STRIP2: variants seen among roughly 807,000 people sequenced by gnomAD.
The protein encoded by STRIP2 is striatin interacting protein 2.
Under a neutral mutation model 107.1 loss-of-function variants are expected in STRIP2, and 84 were observed. That is an observed-to-expected ratio of 0.78 (90% CI 0.66 to 0.94). The LOEUF (loss-of-function observed/expected upper bound fraction) is 0.94, where lower values mean the gene tolerates loss of function less well. Among genes scored for constraint, STRIP2 ranks in the 40% least tolerant of loss-of-function variants. STRIP2 has a pLI of 0.00. For missense variants in STRIP2, 888 were observed against 1,034.2 expected (o/e 0.86, Z 1.94); for synonymous variants, 394 against 400.4 (o/e 0.98, Z 0.19).
In STRIP2 at chr7:129,487,170, T is replaced by A. The variant is rs993944535; in HGVS notation, c.*1341T>A. On this transcript the variant is annotated 3_prime_UTR_variant, in exon 21 of 21. Transcript: ENST00000249344. The stretch of plus-strand genomic sequence containing the variant: ...CTGGGATTACAGGCACGCACCACCA[T>A]GCCTGGCTAATTTTTTGTATTTTTA... 2.0e-5 allele frequency: 3 copies of A among 152,118 alleles called. No homozygotes were observed. Among genetic ancestry groups the A allele is most frequent in the African/African-American group, 7.3e-5 (3 of 41,370 alleles). The allele number at this position is 152,118 out of a possible 1,614,324, so 9.4% of individuals were successfully genotyped here.
In STRIP2 at chr7:129,482,880, G is replaced by C; in HGVS notation, c.2088G>C (p.Arg696=). The part of the protein sequence containing the change: ...VVFKSAPILK[R]ALKVKQAMLQ... Reference sequence around the variant, plus strand: ...TTAAATCGGCACCAATCTTAAAGCGGGCCCTCAAGGTCAAACAGGCCATGC... The same window carrying C: ...TTAAATCGGCACCAATCTTAAAGCGCGCCCTCAAGGTCAAACAGGCCATGC... The change falls in exon 20 of 21, where the codon CGG becomes CGC. Residue 696 remains arginine, a synonymous_variant. Transcript: ENST00000249344. 6.2e-7 allele frequency: 1 copy of C among 1,614,034 alleles called. No homozygotes were observed. The highest frequency in any genetic ancestry group is 1.7e-5 in the Admixed American group (1 of 60,004).
chr7:129,465,924 T>G (rs901060277), intron 16 of STRIP2, among the ~76,000 whole-genome samples: 2 of 152,238 alleles, frequency 1.3e-5, no homozygotes, highest in Non-Finnish European at 2.9e-5. Flanking sequence ...GAGAGGCTTC[T>G]GTAGGGTCTA....
intron 19 of STRIP2, among the ~76,000 whole-genome samples, chr7:129,481,365 C>A (rs1467063414): frequency 6.6e-6 from 1 of 151,916 alleles, no homozygotes; most frequent in Non-Finnish European, 1.5e-5. Flanking sequence ...GGAAAGGTGG[C>A]AGGCACCTAT....
chr7:129,434,709 G>C, intron 1 of STRIP2, 108 bp downstream of exon 1: 3 of 1,292,984 alleles, frequency 2.3e-6, no homozygotes, highest in Non-Finnish European at 3.0e-6. Flanking sequence ...CGCTCGATCA[G>C]CCCCGCGCAG....
Position 129,482,869 on chromosome 7 carries a change from A to G in STRIP2, c.2077A>G (p.Ile693Val). The G allele has an allele frequency of 6.2e-7, 1 of 1,614,134 alleles. No homozygotes were observed. Among genetic ancestry groups the G allele is most frequent in the Non-Finnish European group, 8.5e-7 (1 of 1,180,024 alleles). ...GCTGGTAGTGTTTAAATCGGCACCA[A>G]TCTTAAAGCGGGCCCTCAAGGTCAA... is the stretch of plus-strand genomic sequence containing the variant. ...MMLVVFKSAP[I>V]LKRALKVKQA... Residue 693 changes from isoleucine (I) to valine (V), a missense_variant, in exon 20 of 21, where the codon ATC becomes GTC. By Grantham distance (29) the Ile-to-Val change is conservative. Coordinates refer to ENST00000249344, the MANE Select transcript of STRIP2 (RefSeq NM_020704.3).
intron 18 of STRIP2, among the ~76,000 whole-genome samples, chr7:129,476,330 A>G (rs1399168423): frequency 7.1e-6 from 1 of 141,392 alleles, no homozygotes. Context: ...GGGGCTCCTC[A>G]CTTCTCAGAC....
chr7:129,471,543 AC>A (rs5887427), intron 18 of STRIP2, among the ~76,000 whole-genome samples: 30,285 of 152,154 alleles, frequency 0.2, 3,888 homozygotes, highest in Non-Finnish European at 0.28. Context: ...GGTTACTACA[AC>A]CCTTTGTCCT....
intron 4 of STRIP2, 69 bp downstream of exon 4, chr7:129,451,816 G>T: frequency 6.3e-7 from 1 of 1,585,326 alleles, no homozygotes; most frequent in Non-Finnish European, 8.6e-7. Context: ...TATCAGGACT[G>T]AGATGACGCA....
chr7:129,434,438 G>T lies in STRIP2; in HGVS notation c.-35G>T, dbSNP rs1328994614. 3 of 1,465,458 alleles carry T rather than the reference G, an allele frequency of 2.0e-6. No homozygotes were observed. 90.8% of individuals were successfully genotyped at this position (1,465,458 alleles called of 1,614,324 possible). A position where few individuals can be genotyped will look rare whatever the true frequency, so the allele number is the denominator to read the frequency against. The stretch of plus-strand genomic sequence containing the variant: ...GCGGTAGGGTCGCCTCCGGCAAAGC[G>T]AGCTGAACCCTGAGGGGAGCCGCTG... On this transcript the variant is annotated 5_prime_UTR_variant, in exon 1 of 21. Coordinates refer to ENST00000249344, the MANE Select transcript of STRIP2 (RefSeq NM_020704.3).
rs369242434 is a variant in STRIP2 at position 129,475,553 on chromosome 7, C to T, written c.1944+4838C>T. Among the ~76,000 whole-genome samples, 298 of 35,736 alleles carry T rather than the reference C, an allele frequency of 8.3e-3. 3 individuals are homozygous for T. Among genetic ancestry groups the T allele is most frequent in the Middle Eastern group, 0.075 (3 of 40 alleles). 23.4% of individuals were successfully genotyped at this position (35,736 alleles called of 152,430 possible). A position where few individuals can be genotyped will look rare whatever the true frequency, so the allele number is the denominator to read the frequency against. On this transcript the variant is annotated intron_variant, in intron 18 of 20. Transcript: ENST00000249344. ...GGAGTGGTGATGACTCTTTTTTTTT[C>T]TTTTTTTTTTTTTTCTTTTTATTTT...
intron 13 of STRIP2, 116 bp downstream of exon 13, chr7:129,460,488 G>T (rs765998002): frequency 1.2e-6 from 1 of 856,106 alleles, no homozygotes; most frequent in South Asian, 1.5e-5. Flanking sequence ...TGTGTTCCAG[G>T]CAAGACAAGG....
At chr7:129,451,808 T>A in intron 4 of STRIP2, 61 bp downstream of exon 4, 1 of 1,600,688 alleles carries the variant, frequency 6.2e-7, no homozygotes, top group Non-Finnish European at 8.5e-7. Flanking sequence ...GTGGGCATTA[T>A]CAGGACTGAG....
At chr7:129,479,210 GT>G (rs1799052522) in intron 18 of STRIP2, among the ~76,000 whole-genome samples, 1 of 151,356 alleles carries the variant, frequency 6.6e-6, no homozygotes, top group Non-Finnish European at 1.5e-5. Context: ...GGAGGCAGAG[GT>G]TGCAGTGAGC....
In STRIP2 at chr7:129,454,201, C is replaced by T. The variant is rs1798275547; in HGVS notation, c.590C>T (p.Thr197Ile). The T allele has an allele frequency of 1.2e-6, 2 of 1,614,016 alleles. No homozygotes were observed. The highest frequency in any genetic ancestry group is 2.7e-5 in the African/African-American group (2 of 74,914). ...RKPAVSIADS[T>I]ELRVLLSVMY... ...CCAGCTGTCTCCATAGCTGATAGCA[C>T]AGAGCTCAGGTGAGTGGGGCTAACT... Residue 197 changes from threonine (T) to isoleucine (I), a missense_variant, in exon 6 of 21, where the codon ACA becomes ATA. By Grantham distance (89) the Thr-to-Ile change is moderately conservative. Coordinates refer to ENST00000249344, the MANE Select transcript of STRIP2 (RefSeq NM_020704.3).
At chr7:129,454,810 C>G (rs1425350331) in intron 7 of STRIP2, among the ~76,000 whole-genome samples, 1 of 152,064 alleles carries the variant, frequency 6.6e-6, no homozygotes, top group African/African-American at 2.4e-5. Flanking sequence ...TCACGAGTCC[C>G]ACATGAAAAA....
chr7:129,462,267 A>G (rs1027273759), intron 13 of STRIP2, among the ~76,000 whole-genome samples: 1 of 152,228 alleles, frequency 6.6e-6, no homozygotes, highest in Non-Finnish European at 1.5e-5. Context: ...TGTGTGGGAC[A>G]GAGGGAGGCG....
intron 7 of STRIP2, among the ~76,000 whole-genome samples, chr7:129,454,868 GTGT>G (rs1228991699): frequency 6.6e-6 from 1 of 152,240 alleles, no homozygotes; most frequent in Non-Finnish European, 1.5e-5. Context: ...ATGTAAGTTG[GTGT>G]TGTCATCTGA....
chr7:129,464,180 G>A, intron 15 of STRIP2, 39 bp downstream of exon 15: 1 of 1,466,638 alleles, frequency 6.8e-7, no homozygotes, highest in Non-Finnish European at 9.5e-7. Context: ...GATACTAGCT[G>A]TCTTATCTGC....
intron 19 of STRIP2, 43 bp from the exon 20 acceptor site, chr7:129,482,799 A>T (rs754473941): frequency 6.2e-7 from 1 of 1,602,784 alleles, no homozygotes; most frequent in Non-Finnish European, 8.5e-7. Context: ...TGGAAATTCC[A>T]AGAAACGTTA....
Sources: allele counts gnomAD v4.1 joint callset (sites outside exome capture counted in the v4.1 genomes callset), GRCh38; gene constraint gnomAD v4.1.1; transcripts MANE v1.5; gene names NCBI Gene and HGNC (gene_info 2026-07-23, HGNC 2026-07-21).